PCDHA2: variants seen among roughly 807,000 people sequenced by gnomAD.
The protein encoded by PCDHA2 is protocadherin alpha-2.
Under a neutral mutation model 66.0 loss-of-function variants are expected in PCDHA2, and 58 were observed. The observed-to-expected ratio is 0.88, with a 90% CI of 0.71 to 1.09. The LOEUF is 1.09. PCDHA2 is among the 50% of genes least tolerant of loss of function. The probability of loss-of-function intolerance (pLI) is 0.00; values close to 1 mark genes in which losing one functional copy is unlikely to be tolerated. For missense variants in PCDHA2, 1,267 were observed against 1,242.3 expected, an observed-to-expected ratio of 1.02 and a Z score of -0.30; for synonymous variants, 634 against 554.0, an observed-to-expected ratio of 1.14 and a Z score of -2.03.
chr5:140,803,934 C>T, intron 1 of PCDHA2: 1 of 407,172 alleles, frequency 2.5e-6, no homozygotes, highest in Non-Finnish European at 4.4e-6. Flanking sequence ...ATACTTATCC[C>T]TATACAATGC....
chr5:140,871,141 C>T (rs1431247385), intron 1 of PCDHA2: 1 of 1,613,320 alleles, frequency 6.2e-7, no homozygotes, highest in Admixed American at 1.7e-5. Context: ...GGCCTCTTCC[C>T]GGACTTTGGC....
At chr5:140,957,734 T>C (rs559180968) in intron 1 of PCDHA2, among the ~76,000 whole-genome samples, 2 of 152,240 alleles carry the variant, frequency 1.3e-5, no homozygotes, top group Admixed American at 6.5e-5. Flanking sequence ...GAATTATATA[T>C]ACTGACATGA....
intron 1 of PCDHA2, among the ~76,000 whole-genome samples, chr5:140,913,086 A>G (rs937964424): frequency 6.6e-6 from 1 of 152,142 alleles, no homozygotes; most frequent in Admixed American, 6.6e-5. Flanking sequence ...TGGTATCAGG[A>G]TAATACTGGC....
rs2150101302 is a variant in PCDHA2 at position 140,818,452 on chromosome 5, A to G, written c.2388+21100A>G. Reference sequence around the variant, plus strand: ...CTAACTTGGGTACTGGCTAATGTCAAAAGAAACTTTCCTCCCACAAAGTTT... The same window carrying G: ...CTAACTTGGGTACTGGCTAATGTCAGAAGAAACTTTCCTCCCACAAAGTTT... On this transcript the variant is annotated intron_variant, in intron 1 of 3. Transcript: ENST00000526136. Among the ~76,000 whole-genome samples the G allele has an allele frequency of 1.7e-3, 261 of 152,350 alleles. 3 individuals are homozygous for G. Among genetic ancestry groups the G allele is most frequent in the Non-Finnish European group, 3.1e-3 (214 of 68,036 alleles).
chr5:140,809,229 G>C lies in PCDHA2; in HGVS notation c.2388+11877G>C, dbSNP rs1452307952. The C allele has an allele frequency of 1.4e-5, 23 of 1,613,928 alleles. No homozygotes were observed. The highest frequency in any genetic ancestry group is 1.9e-5 in the Non-Finnish European group (23 of 1,179,948). ...GGACAGGCGCCAAAGGCCTCCTCAC[G>C]GGCGTTGGTGGGCGCTGTGGGTCCC... On this transcript the variant is annotated intron_variant, in intron 1 of 3. Transcript: ENST00000526136.
chr5:140,833,845 A>G (rs2150211718), intron 1 of PCDHA2, among the ~76,000 whole-genome samples: 239 of 152,320 alleles, frequency 1.6e-3, no homozygotes, highest in African/African-American at 5.6e-3. Flanking sequence ...GATTTTTCTT[A>G]ACAAGCGATA....
intron 1 of PCDHA2, among the ~76,000 whole-genome samples, chr5:140,895,416 C>A (rs2065002617): frequency 6.6e-6 from 1 of 152,168 alleles, no homozygotes; most frequent in South Asian, 2.1e-4. Context: ...CCATAACCTT[C>A]TTTTGCTTCC....
chr5:140,932,042 A>G (rs1419099942), intron 1 of PCDHA2, among the ~76,000 whole-genome samples: 1 of 151,970 alleles, frequency 6.6e-6, no homozygotes, highest in Non-Finnish European at 1.5e-5. Flanking sequence ...ATATTAACAT[A>G]GCCTGTAATA....
chr5:140,923,986 G>A (rs1482099424), intron 1 of PCDHA2, among the ~76,000 whole-genome samples: 2 of 152,074 alleles, frequency 1.3e-5, no homozygotes, highest in African/African-American at 2.4e-5. Flanking sequence ...ATCCCTCTAG[G>A]TGCAGCTCAG....
At chr5:140,849,967 C>T (rs2150460775) in intron 1 of PCDHA2, 1 of 1,597,834 alleles carries the variant, frequency 6.3e-7, no homozygotes, top group East Asian at 2.2e-5. Flanking sequence ...GCCCTGGTGT[C>T]CTACTCGCTG....
rs555838945 is a variant in PCDHA2, at chr5:140,927,094, G to A, written c.2389-51855G>A. On this transcript the variant is annotated intron_variant, in intron 1 of 3. Coordinates refer to ENST00000526136, the MANE Select transcript of PCDHA2 (RefSeq NM_018905.3). ...CAGCCACCGCGAGCTCTACTTCGGG[G>A]TGGATCTACCCAGCGGCAATTTGGT... 5 of 1,612,890 alleles carry A rather than the reference G, an allele frequency of 3.1e-6. No homozygotes were observed. In the Admixed American group the frequency reaches 8.3e-5, roughly 27 times the overall value.
chr5:140,969,325 A>G (rs1490022353), intron 1 of PCDHA2: 1 of 1,614,000 alleles, frequency 6.2e-7, no homozygotes, highest in Non-Finnish European at 8.5e-7. Context: ...CTGTTTCTCA[A>G]AATGAGGTGA....
chr5:140,955,215 C>A (rs1313314138), intron 1 of PCDHA2, among the ~76,000 whole-genome samples: 1 of 152,148 alleles, frequency 6.6e-6, no homozygotes, highest in Non-Finnish European at 1.5e-5. Flanking sequence ...TAGCATGATG[C>A]CTCCAGCTTT....
Position 140,836,433 on chromosome 5 carries a change from T to C in PCDHA2, c.2388+39081T>C, listed in dbSNP as rs2150260977. The C allele has an allele frequency of 1.3e-4, 215 of 1,613,692 alleles. 2 individuals are homozygous for C. Among genetic ancestry groups the C allele is most frequent in the Non-Finnish European group, 2.4e-5 (28 of 1,179,856 alleles). ...ACCAAAGGCGTCGTCGCGGGCATCG[T>C]TGGGCATTGCAGGCCCAGAGACCGA... On this transcript the variant is annotated intron_variant, in intron 1 of 3. Transcript: ENST00000526136.
rs2150243130 is a variant in PCDHA2 at position 140,835,724 on chromosome 5, C to G, written c.2388+38372C>G. The stretch of plus-strand genomic sequence containing the variant: ...CTAGCGTGTCCGTGGAGGTGGCCGA[C>G]GTGAACGACAACGCCCCGGCGTTCG... On this transcript the variant is annotated intron_variant, in intron 1 of 3. Coordinates refer to ENST00000526136, the MANE Select transcript of PCDHA2 (RefSeq NM_018905.3). 7 of 1,613,752 alleles carry G rather than the reference C, an allele frequency of 4.3e-6. No homozygotes were observed. The highest frequency in any genetic ancestry group is 2.2e-5 in the South Asian group (2 of 91,080).
intron 1 of PCDHA2, among the ~76,000 whole-genome samples, chr5:140,895,893 C>A (rs899081253): frequency 6.6e-6 from 1 of 152,188 alleles, no homozygotes; most frequent in African/African-American, 2.4e-5. Context: ...CTCACTGCAA[C>A]CTCCGCGTCC....
intron 1 of PCDHA2, chr5:140,841,294 A>G (rs2150312658): frequency 8.3e-6 from 13 of 1,563,188 alleles, no homozygotes; most frequent in African/African-American, 1.4e-5. Context: ...TTAAGATAAT[A>G]TTTTCTGATA....
chr5:140,851,140 G>C, intron 1 of PCDHA2: 1 of 1,310,362 alleles, frequency 7.6e-7, no homozygotes, highest in Non-Finnish European at 9.9e-7. Flanking sequence ...TGATTAAAGT[G>C]ACATTGAATT....
At chr5:140,798,287 T>C (rs1167207072) in intron 1 of PCDHA2, among the ~76,000 whole-genome samples, 1 of 152,238 alleles carries the variant, frequency 6.6e-6, no homozygotes, top group Admixed American at 6.5e-5. Context: ...CTGCTAATCT[T>C]AAGTATGTTT....
Sources: gnomAD v4.1 joint callset for allele counts (sites outside exome capture counted in the v4.1 genomes callset) on GRCh38, gnomAD v4.1.1 for gene constraint, MANE v1.5 for transcripts, NCBI Gene and HGNC (gene_info 2026-07-23, HGNC 2026-07-21) for gene names.